INSC: variants seen among roughly 807,000 people sequenced by gnomAD.
The protein encoded by INSC is protein inscuteable homolog.
In INSC, 67 loss-of-function variants were observed where a neutral mutation model predicts 58.6. That is an observed-to-expected ratio of 1.14 (90% CI 0.94 to 1.40). The LOEUF (loss-of-function observed/expected upper bound fraction) is 1.40. Among genes scored for constraint, INSC ranks in the 40% most tolerant of loss-of-function variants. INSC has a pLI of 0.00. For missense variants in INSC, 714 were observed against 692.0 expected, an observed-to-expected ratio of 1.03 and a Z score of -0.36; for synonymous variants, 262 against 276.1, an observed-to-expected ratio of 0.95 and a Z score of 0.51.
intron 2 of INSC, among the ~76,000 whole-genome samples, chr11:15,157,919 C>A (rs1010143831): frequency 6.6e-6 from 1 of 152,098 alleles, no homozygotes; most frequent in African/African-American, 2.4e-5. Context: ...AGAGGCCACA[C>A]CCTGTAATCA....
chr11:15,240,170 A>C (rs1272432862), intron 11 of INSC, among the ~76,000 whole-genome samples: 1 of 152,054 alleles, frequency 6.6e-6, no homozygotes, highest in African/African-American at 2.4e-5. Context: ...TGAAATTGGC[A>C]CTTGAGAAAA....
rs1848504833 is a variant in INSC, at chr11:15,146,837, T to G, written c.-45-2293T>G. Among the ~76,000 whole-genome samples, 3 of 152,352 alleles carry G rather than the reference T, an allele frequency of 2.0e-5. No individual in the cohort carries two copies. In the South Asian group the frequency reaches 6.2e-4, roughly 32 times the overall value. The stretch of plus-strand genomic sequence containing the variant: ...CAATTTCTTGCATTCAGGCTTCTGC[T>G]TATGACAACTCTTTTTTTTTCTCTC... On this transcript the variant is annotated intron_variant, in intron 1 of 12. Coordinates refer to ENST00000379556, the MANE Select transcript of INSC (RefSeq NM_001042536.3).
At chr11:15,176,770 A>C (rs1332255709) in intron 3 of INSC, among the ~76,000 whole-genome samples, 1 of 152,184 alleles carries the variant, frequency 6.6e-6, no homozygotes, top group African/African-American at 2.4e-5. Flanking sequence ...CTCATTTCAC[A>C]TTAGTGCTTT....
Position 15,177,124 on chromosome 11 carries a change from T to G in INSC, c.416T>G (p.Leu139Arg). The G allele has an allele frequency of 6.2e-7, 1 of 1,614,056 alleles. No individual in the cohort carries two copies. The highest frequency in any genetic ancestry group is 8.5e-7 in the Non-Finnish European group (1 of 1,179,932). Residue 139 changes from leucine (L) to arginine (R), a missense_variant, in exon 4 of 13, where the codon CTA becomes CGA. Transcript: ENST00000379556. ...LKEMGEIEKL[L>R]MEKCSELSAV... is the part of the protein sequence containing the mutation. ...ATTTTTCTACAGATTGAGAAGCTGCTAATGGAGAAATGCTCGGAGCTCTCG... is the reference window on the plus strand; with the variant it reads ...ATTTTTCTACAGATTGAGAAGCTGCGAATGGAGAAATGCTCGGAGCTCTCG...
rs76818348 is a variant in INSC at position 15,181,805 on chromosome 11, G to A, written c.579+3358G>A. ...TATCTTTGTATTGCCATTTACTCTC[G>A]TTGCAGCTTCTACTTACCTATATTG... On this transcript the variant is annotated intron_variant, in intron 5 of 12. Transcript: ENST00000379556. 3.6e-3 allele frequency among the ~76,000 whole-genome samples: 549 copies of A among 152,104 alleles called. 5 individuals are homozygous for A. The highest frequency in any genetic ancestry group is 0.012 in the African/African-American group (517 of 41,464).
At chr11:15,185,631 C>T (rs906697872) in intron 5 of INSC, among the ~76,000 whole-genome samples, 5 of 151,766 alleles carry the variant, frequency 3.3e-5, no homozygotes, top group African/African-American at 1.2e-4. Flanking sequence ...AAATATATTA[C>T]ATTAAATTCT....
intron 2 of INSC, among the ~76,000 whole-genome samples, chr11:15,174,384 A>G (rs934820694): frequency 6.6e-6 from 1 of 151,196 alleles, no homozygotes; most frequent in African/African-American, 2.4e-5. Context: ...CCTTCCTAGC[A>G]TTTGCTACTT....
intron 7 of INSC, among the ~76,000 whole-genome samples, chr11:15,213,914 T>A (rs1175322752): frequency 6.6e-6 from 1 of 152,226 alleles, no homozygotes; most frequent in Non-Finnish European, 1.5e-5. Flanking sequence ...CAGCTTTCTA[T>A]GGAGCTCTCA....
chr11:15,117,179 T>G (rs1445792822), intron 1 of INSC, among the ~76,000 whole-genome samples: 1 of 151,696 alleles, frequency 6.6e-6, no homozygotes, highest in Non-Finnish European at 1.5e-5. Context: ...TGACCTCAGG[T>G]GATCTGCCTG....
the INSC span, among the ~76,000 whole-genome samples, chr11:15,260,728 A>G: frequency 6.6e-6 from 1 of 152,284 alleles, no homozygotes; most frequent in African/African-American, 2.4e-5. Context: ...GAAGAATAGG[A>G]AACTTTCCCT....
At chr11:15,192,230 G>T (rs1171601818) in intron 6 of INSC, among the ~76,000 whole-genome samples, 7 of 152,192 alleles carry the variant, frequency 4.6e-5, no homozygotes, top group African/African-American at 1.7e-4. Flanking sequence ...TCTGGCCATG[G>T]GCTGGGGTGG....
At chr11:15,247,756 T>TATATATATATATA (rs1473234183), downstream of INSC, among the ~76,000 whole-genome samples, 14 of 148,270 alleles carry the variant, frequency 9.4e-5, no homozygotes, top group African/African-American at 1.5e-4. Flanking sequence ...TATATATATA[T>TATATATATATATA]TTCACTGAGT....
At chr11:15,160,084 A>C (rs1336172295) in intron 2 of INSC, among the ~76,000 whole-genome samples, 2 of 151,592 alleles carry the variant, frequency 1.3e-5, no homozygotes, top group Non-Finnish European at 2.9e-5. Flanking sequence ...CAGACACAAG[A>C]TCTGCCCTGC....
chr11:15,171,678 T>A (rs1849404450), intron 2 of INSC, among the ~76,000 whole-genome samples: 1 of 152,198 alleles, frequency 6.6e-6, no homozygotes, highest in Non-Finnish European at 1.5e-5. Context: ...AACTCAACTA[T>A]GTTTAGTTAT....
chr11:15,112,263 C>T (rs1847586819), upstream of INSC, among the ~76,000 whole-genome samples: 1 of 152,144 alleles, frequency 6.6e-6, no homozygotes, highest in Non-Finnish European at 1.5e-5. Flanking sequence ...AGAAGTCAGG[C>T]AGACAGAGGG....
At chr11:15,174,039 A>G (rs1457480942) in intron 2 of INSC, among the ~76,000 whole-genome samples, 1 of 152,134 alleles carries the variant, frequency 6.6e-6, no homozygotes, top group Non-Finnish European at 1.5e-5. Context: ...ACCTTGTCCA[A>G]CACAGCCCCA....
intron 2 of INSC, among the ~76,000 whole-genome samples, chr11:15,155,892 A>AT (rs2133768164): frequency 6.6e-6 from 1 of 152,322 alleles, no homozygotes; most frequent in African/African-American, 2.4e-5. Flanking sequence ...GTACCAGTAG[A>AT]TGGAGGCCAG....
At chr11:15,124,191 T>TG (rs1847936244) in intron 1 of INSC, among the ~76,000 whole-genome samples, 1 of 152,230 alleles carries the variant, frequency 6.6e-6, no homozygotes, top group South Asian at 2.1e-4. Context: ...CCCACTCCTG[T>TG]ATCCCTCTTT....
intron 2 of INSC, among the ~76,000 whole-genome samples, chr11:15,172,537 C>G (rs980538659): frequency 6.6e-6 from 1 of 152,216 alleles, no homozygotes; most frequent in Non-Finnish European, 1.5e-5. Flanking sequence ...GTTACTAGTG[C>G]CCCACTGAAG....
Sources: gnomAD v4.1 joint callset for allele counts (sites outside exome capture counted in the v4.1 genomes callset) on GRCh38, gnomAD v4.1.1 for gene constraint, MANE v1.5 for transcripts, NCBI Gene and HGNC (gene_info 2026-07-23, HGNC 2026-07-21) for gene names.